The following TET2 variants were observed in gnomAD, a reference collection of about 807,000 sequenced individuals.
The protein encoded by TET2 is tet methylcytosine dioxygenase 2.
In TET2, 299 loss-of-function variants were observed where a neutral mutation model predicts 142.9. That is an observed-to-expected ratio of 2.09 (90% CI 1.90 to 2.30). The LOEUF (loss-of-function observed/expected upper bound fraction) is 2.30. Ranked by LOEUF, TET2 falls within the 30% of genes most tolerant of loss-of-function variation. TET2 has a pLI of 0.00. For synonymous variants in TET2, 819 were observed against 849.0 expected (o/e 0.96, Z 0.61); for missense variants, 2,418 against 2,378.0 (o/e 1.02, Z -0.35).
chr4:105,242,658 G>A lies in TET2; in HGVS notation c.3501-176G>A, dbSNP rs1729367279. On this transcript the variant is annotated intron_variant, in intron 4 of 10. Coordinates refer to ENST00000380013, the MANE Select transcript of TET2 (RefSeq NM_001127208.3). ...CATTTTGATATTGAGGAAAAACAAG[G>A]CTTAAAAACCATTATCCAGTTTGCT... 4 of 1,356,092 alleles carry A rather than the reference G, an allele frequency of 2.9e-6. No individual in the cohort carries two copies. In the Admixed American group the frequency reaches 1.5e-4, roughly 52 times the overall value. 84.0% of individuals were successfully genotyped at this position (1,356,092 alleles called of 1,614,324 possible). A position where few individuals can be genotyped will look rare whatever the true frequency, so the allele number is the denominator to read the frequency against.
chr4:105,189,845 A>G (rs778176842), intron 1 of TET2, among the ~76,000 whole-genome samples: 3 of 152,218 alleles, frequency 2.0e-5, no homozygotes, highest in South Asian at 2.1e-4. Context: ...TTACCTTGAC[A>G]TGGCATATAC....
intron 10 of TET2, among the ~76,000 whole-genome samples, chr4:105,273,806 C>T (rs1578737706): frequency 6.6e-6 from 1 of 152,086 alleles, no homozygotes; most frequent in African/African-American, 2.4e-5. Context: ...AAAACTTTTA[C>T]CCATCAAAAT....
chr4:105,258,548 T>C (rs1730257575), intron 6 of TET2, among the ~76,000 whole-genome samples: 1 of 152,170 alleles, frequency 6.6e-6, no homozygotes. Flanking sequence ...TAGGCTTTTT[T>C]AATGGGCAAA....
intron 6 of TET2, among the ~76,000 whole-genome samples, chr4:105,247,946 T>A (rs2110263987): frequency 6.6e-6 from 1 of 152,272 alleles, no homozygotes; most frequent in Admixed American, 6.5e-5. Context: ...GGTCTGGAAC[T>A]CCTGGCCTCA....
In TET2 at chr4:105,205,741, C is replaced by A. The variant is rs1726778285; in HGVS notation, c.-47+15236C>A. 3.3e-5 allele frequency among the ~76,000 whole-genome samples: 5 copies of A among 152,172 alleles called. No homozygotes were observed. In the South Asian group the frequency reaches 1.0e-3, roughly 32 times the overall value. ...CCGCCTCCCGGTTTCAAGAGATTCT[C>A]CTGCCTCAGCCTCCCGAGTAGCTGG... On this transcript the variant is annotated intron_variant, in intron 2 of 10. Coordinates refer to ENST00000380013, the MANE Select transcript of TET2 (RefSeq NM_001127208.3).
At position 105,277,353 on chromosome 4, in the gene TET2, A is replaced by G; in HGVS notation, c.*834A>G. 4.4e-6 allele frequency: 1 copy of G among 224,868 alleles called. No homozygotes were observed. Among genetic ancestry groups the G allele is most frequent in the African/African-American group, 2.2e-5 (1 of 45,032 alleles). 13.9% of individuals were successfully genotyped at this position (224,868 alleles called of 1,614,324 possible). On this transcript the variant is annotated 3_prime_UTR_variant, in exon 11 of 11. Coordinates refer to ENST00000380013, the MANE Select transcript of TET2 (RefSeq NM_001127208.3). ...ACAATAAACGTATATATGTACATAT[A>G]TACACAAACATGTATATGTGCACAC...
At chr4:105,259,414 G>A (rs992379336) in intron 6 of TET2, among the ~76,000 whole-genome samples, 25 of 152,190 alleles carry the variant, frequency 1.6e-4, no homozygotes, top group African/African-American at 5.5e-4. Flanking sequence ...AAAATTATGT[G>A]CACTTTTCTG....
At chr4:105,239,719 A>G in intron 3 of TET2, 1 of 231,454 alleles carries the variant, frequency 4.3e-6, no homozygotes, top group Non-Finnish European at 8.7e-6. Context: ...CACTGGAGTA[A>G]TTTCCTTCAA....
chr4:105,165,640 G>T (rs949015685), intron 1 of TET2, among the ~76,000 whole-genome samples: 1 of 152,190 alleles, frequency 6.6e-6, no homozygotes, highest in Non-Finnish European at 1.5e-5. Flanking sequence ...GCAAGCAAAT[G>T]AATAGCAGAC....
chr4:105,156,150 G>T (rs1723556152), intron 1 of TET2, among the ~76,000 whole-genome samples: 1 of 152,070 alleles, frequency 6.6e-6, no homozygotes, highest in African/African-American at 2.4e-5. Context: ...CTTCATCTTT[G>T]CTTTTTAATG....
intron 2 of TET2, among the ~76,000 whole-genome samples, chr4:105,193,740 A>G (rs974264487): frequency 3.9e-5 from 6 of 152,226 alleles, no homozygotes; most frequent in Non-Finnish European, 7.3e-5. Flanking sequence ...AAGTTGGGAC[A>G]TATGAGTTTG....
intron 2 of TET2, among the ~76,000 whole-genome samples, chr4:105,222,483 T>G (rs948951072): frequency 6.6e-6 from 1 of 152,268 alleles, no homozygotes; most frequent in Admixed American, 6.5e-5. Context: ...GAGCATTTTT[T>G]CATGTGTCTT....
At chr4:105,240,343 G>A in intron 3 of TET2, 1 of 1,066,484 alleles carries the variant, frequency 9.4e-7, no homozygotes, top group Non-Finnish European at 1.1e-6. Flanking sequence ...AAAGCTTTTT[G>A]TTAAAATTCA....
chr4:105,241,432 A>G lies in TET2; in HGVS notation c.3500+3A>G. On this transcript the variant is annotated splice_donor_region_variant and intron_variant, in intron 4 of 10. Transcript: ENST00000380013. ...ATTAGAGAAATCATGGAAGAAAGGT[A>G]ATTAACGCAAAGGCACAGGGCAGAT... 1 of 1,549,050 alleles carries G rather than the reference A, an allele frequency of 6.5e-7. No individual in the cohort carries two copies. The highest frequency in any genetic ancestry group is 1.2e-5 in the South Asian group (1 of 83,394).
intron 1 of TET2, among the ~76,000 whole-genome samples, chr4:105,188,517 A>C (rs1725595217): frequency 6.6e-6 from 1 of 152,232 alleles, no homozygotes; most frequent in African/African-American, 2.4e-5. Context: ...TTTGAATGGC[A>C]AACTTTGTTA....
chr4:105,241,251 G>A (rs1729281738), intron 3 of TET2, 88 bp from the exon 4 acceptor site: 1 of 1,418,382 alleles, frequency 7.1e-7, no homozygotes, highest in Non-Finnish European at 9.2e-7. Context: ...AGCCCTTAAT[G>A]TGTAGTTGGG....
chr4:105,235,654 G>A lies in TET2; in HGVS notation c.1712G>A (p.Arg571His), dbSNP rs146049881. 21 of 1,614,092 alleles carry A rather than the reference G, an allele frequency of 1.3e-5. No homozygotes were observed. Among genetic ancestry groups the A allele is most frequent in the African/African-American group, 1.2e-4 (9 of 75,024 alleles). ...GGATGGATTGAATTGAAGGCCCCTC[G>A]TTTTCACCAAGCGGAATCCCATCTA... ...KPGWIELKAP[R>H]FHQAESHLKR... The change falls in exon 3 of 11, where the codon CGT (arginine) becomes CAT (histidine). Residue 571 changes from arginine to histidine, a missense_variant. Transcript: ENST00000380013.
At chr4:105,242,156 A>G in intron 4 of TET2, 1 of 1,141,874 alleles carries the variant, frequency 8.8e-7, no homozygotes, top group East Asian at 4.3e-5. Context: ...GGACATATTC[A>G]GTATCATTCT....
At chr4:105,164,095 A>G (rs1044438952) in intron 1 of TET2, among the ~76,000 whole-genome samples, 2 of 152,208 alleles carry the variant, frequency 1.3e-5, no homozygotes, top group African/African-American at 4.8e-5. Context: ...ACCATACAGT[A>G]CTAACTGTAG....
Sources: allele counts gnomAD v4.1 joint callset (sites outside exome capture counted in the v4.1 genomes callset), GRCh38; gene constraint gnomAD v4.1.1; transcripts MANE v1.5; gene names NCBI Gene and HGNC (gene_info 2026-07-23, HGNC 2026-07-21).